CLUL1: variants seen among roughly 807,000 people sequenced by gnomAD.
The protein encoded by CLUL1 is clusterin-like protein 1.
A neutral mutation model predicts 49.4 loss-of-function variants in CLUL1; 43 were observed. That is an observed-to-expected ratio of 0.87 (90% CI 0.68 to 1.12). The LOEUF (loss-of-function observed/expected upper bound fraction) is 1.12. CLUL1 is among the 50% of genes most tolerant of loss of function. CLUL1 has a pLI of 0.00. For missense variants in CLUL1, 486 were observed against 544.4 expected, an observed-to-expected ratio of 0.89 and a Z score of 1.07; for synonymous variants, 192 against 184.9, an observed-to-expected ratio of 1.04 and a Z score of -0.31.
At chr18:628,403 G>GCATGATTGGAGA (rs1229213727) in intron 6 of CLUL1, among the ~76,000 whole-genome samples, 6 of 152,154 alleles carry the variant, frequency 3.9e-5, no homozygotes, top group Non-Finnish European at 8.8e-5. Flanking sequence ...ATGCCTCATG[G>GCATGATTGGAGA]CATCCATGTT....
intron 2 of CLUL1, among the ~76,000 whole-genome samples, chr18:616,428 A>C (rs1015080525): frequency 6.6e-6 from 1 of 152,226 alleles, no homozygotes; most frequent in South Asian, 2.1e-4. Flanking sequence ...TTTTGCTTAC[A>C]TAGGAAACTA....
Position 619,313 on chromosome 18 carries a change from A to T in CLUL1, c.207A>T (p.Glu69Asp), listed in dbSNP as rs895852297. 6.2e-7 allele frequency: 1 copy of T among 1,614,106 alleles called. No homozygotes were observed. The highest frequency in any genetic ancestry group is 8.5e-7 in the Non-Finnish European group (1 of 1,179,984). Residue 69 changes from glutamate to aspartate, a missense_variant, in exon 4 of 10, where the codon GAA becomes GAT. Physicochemically the swap from Glu to Asp is conservative, Grantham distance 45 (BLOSUM62 2). Transcript: ENST00000692774. ...MKIMMERKEKEHTNLMSTLKK... is the reference protein window; with the variant it reads ...MKIMMERKEKDHTNLMSTLKK... ...TCATGATGGAAAGAAAAGAGAAGGA[A>T]CACACCAATCTAATGAGCACCCTGA...
Position 646,479 on chromosome 18 carries a change from G to C in CLUL1, c.1397+1382G>C, listed in dbSNP as rs566516555. Among the ~76,000 whole-genome samples the C allele has an allele frequency of 7.7e-5, 11 of 142,760 alleles. No individual in the cohort carries two copies. In the East Asian group the frequency reaches 1.5e-3, roughly 19 times the overall value. 93.7% of individuals were successfully genotyped at this position (142,760 alleles called of 152,430 possible). ...CCAAGGAGCTTCCTATCCAACAGGGGCACAAGACAGATAGATAGACACACA... is the reference window on the plus strand; with the variant it reads ...CCAAGGAGCTTCCTATCCAACAGGGCCACAAGACAGATAGATAGACACACA... On this transcript the variant is annotated intron_variant, in intron 9 of 9. Coordinates refer to ENST00000692774, the MANE Select transcript of CLUL1 (RefSeq NM_001393344.1).
chr18:630,234 G>A (rs184121051), intron 6 of CLUL1, among the ~76,000 whole-genome samples: 12 of 152,110 alleles, frequency 7.9e-5, no homozygotes, highest in East Asian at 3.9e-4. Context: ...TCAGCCTCCC[G>A]AGTAGCTGGG....
At chr18:626,348 C>A (rs2073695052) in intron 5 of CLUL1, among the ~76,000 whole-genome samples, 1 of 152,036 alleles carries the variant, frequency 6.6e-6, no homozygotes, top group Admixed American at 6.6e-5. Context: ...GTGATCCACA[C>A]ACCTTGGCCT....
At position 641,413 on chromosome 18, in the gene CLUL1, C is replaced by A. The variant is rs751595375; in HGVS notation, c.1081C>A (p.Leu361Ile). 2 of 1,614,198 alleles carry A rather than the reference C, an allele frequency of 1.2e-6. No individual in the cohort carries two copies. The highest frequency in any genetic ancestry group is 1.7e-5 in the Admixed American group (1 of 60,030). ...NVSNQQYGQI[L>I]QMTRKHLEDT... ...ATCCAATCAGCAGTATGGCCAGATT[C>A]TCCAGATGACCCGGAAGCACTTGGA... Residue 361 changes from leucine to isoleucine, a missense_variant, in exon 8 of 10, where the codon CTC becomes ATC. Physicochemically the swap from Leu to Ile is conservative, Grantham distance 5. Transcript: ENST00000692774.
In CLUL1 at chr18:633,222, A is replaced by G. The variant is rs1329210379; in HGVS notation, c.857-76A>G. 8 of 1,263,346 alleles carry G rather than the reference A, an allele frequency of 6.3e-6. No individual in the cohort carries two copies. The East Asian group carries it at 1.9e-4, about 30-fold the overall frequency. The allele number at this position is 1,263,346 out of a possible 1,614,324, so 78.3% of individuals were successfully genotyped here. On this transcript the variant is annotated intron_variant, in intron 6 of 9. Coordinates refer to ENST00000692774, the MANE Select transcript of CLUL1 (RefSeq NM_001393344.1). ...GATTTTGAAAGCACTGGTAAGAAAA[A>G]GCTGCGGCATTGTCTCCACTTCTTC...
chr18:615,475 G>A (rs1481004556), intron 2 of CLUL1, among the ~76,000 whole-genome samples: 2 of 152,192 alleles, frequency 1.3e-5, no homozygotes, highest in Non-Finnish European at 2.9e-5. Context: ...AGAACACGCA[G>A]ATGCCAGCCT....
At chr18:640,890 G>A (rs372214495) in intron 7 of CLUL1, among the ~76,000 whole-genome samples, 7 of 151,118 alleles carry the variant, frequency 4.6e-5, no homozygotes, top group East Asian at 3.9e-4. Flanking sequence ...AATTTAAAGC[G>A]GCTTCACTAT....
At chr18:632,488 A>G (rs1299822740) in intron 6 of CLUL1, among the ~76,000 whole-genome samples, 5 of 152,166 alleles carry the variant, frequency 3.3e-5, no homozygotes. Context: ...ATTAATTATT[A>G]AAGAGTTTTT....
At chr18:645,774 A>G (rs1222852730) in intron 9 of CLUL1, among the ~76,000 whole-genome samples, 2 of 105,188 alleles carry the variant, frequency 1.9e-5, no homozygotes, top group Non-Finnish European at 3.6e-5. Context: ...AGCCTGGGCG[A>G]CAGAGCGAGA....
At chr18:646,095 G>A (rs150313214) in intron 9 of CLUL1, among the ~76,000 whole-genome samples, 322 of 151,734 alleles carry the variant, frequency 2.1e-3, no homozygotes, top group African/African-American at 7.2e-3. Context: ...GTCGGAGGTG[G>A]TAGAGCAGCA....
chr18:646,503 C>G (rs1165041190), intron 9 of CLUL1, among the ~76,000 whole-genome samples: 10 of 76,214 alleles, frequency 1.3e-4, no homozygotes, highest in African/African-American at 5.1e-4. Context: ...GATAGACACA[C>G]ACACACACAC....
chr18:638,413 CAG>C (rs1255253853), intron 7 of CLUL1, among the ~76,000 whole-genome samples: 1 of 152,090 alleles, frequency 6.6e-6, no homozygotes, highest in African/African-American at 2.4e-5. Context: ...CAATATGCAC[CAG>C]ATAATGGACA....
intron 1 of CLUL1, among the ~76,000 whole-genome samples, chr18:599,313 C>T (rs972549844): frequency 3.9e-5 from 6 of 152,164 alleles, no homozygotes; most frequent in African/African-American, 1.4e-4. Flanking sequence ...GAGCAAATTA[C>T]TTAACCTCTA....
chr18:648,232 A>C (rs560479766), intron 9 of CLUL1, among the ~76,000 whole-genome samples: 1 of 152,322 alleles, frequency 6.6e-6, no homozygotes, highest in East Asian at 1.9e-4. Context: ...AAATCAAAGT[A>C]TTTCCCATAA....
At chr18:630,550 C>T (rs566195411) in intron 6 of CLUL1, among the ~76,000 whole-genome samples, 11 of 152,058 alleles carry the variant, frequency 7.2e-5, no homozygotes, top group African/African-American at 2.2e-4. Context: ...TCGACTTTGA[C>T]GACCTTGAAG....
intron 7 of CLUL1, among the ~76,000 whole-genome samples, chr18:639,950 A>T (rs1266614871): frequency 2.0e-5 from 3 of 152,162 alleles, no homozygotes; most frequent in African/African-American, 7.2e-5. Context: ...AAGGTTATGA[A>T]ATTAGATATG....
intron 1 of CLUL1, among the ~76,000 whole-genome samples, chr18:601,631 G>A (rs1004542106): frequency 6.9e-6 from 1 of 145,014 alleles, no homozygotes; most frequent in African/African-American, 2.5e-5. Flanking sequence ...TGGCAACAGA[G>A]TGAGACTCCA....
Sources: allele counts gnomAD v4.1 joint callset (sites outside exome capture counted in the v4.1 genomes callset), GRCh38; gene constraint gnomAD v4.1.1; transcripts MANE v1.5; gene names NCBI Gene and HGNC (gene_info 2026-07-23, HGNC 2026-07-21).